Variants in CEP104 observed in about 807,000 individuals in gnomAD.
CEP104 encodes centrosomal protein 104.
Under a neutral mutation model 113.3 loss-of-function variants are expected in CEP104, and 84 were observed. That is an observed-to-expected ratio of 0.74 (90% CI 0.62 to 0.89). The LOEUF is 0.89. Among genes scored for constraint, CEP104 ranks in the 40% least tolerant of loss-of-function variants. CEP104 has a pLI of 0.00. For missense variants in CEP104, 1,053 were observed against 1,156.6 expected (o/e 0.91, Z 1.30); for synonymous variants, 378 against 421.7 (o/e 0.90, Z 1.27).
intron 20 of CEP104, among the ~76,000 whole-genome samples, chr1:3,820,999 C>T (rs141844581): frequency 1.3e-5 from 2 of 152,374 alleles, no homozygotes; most frequent in East Asian, 3.9e-4. Context: ...AGTGTGTGTG[C>T]ATGAGTGATG....
intron 20 of CEP104, chr1:3,822,899 C>T (rs1644006338): frequency 5.0e-6 from 2 of 400,836 alleles, no homozygotes; most frequent in Non-Finnish European, 9.0e-6. Flanking sequence ...CAAAATAAAA[C>T]CATTTCATGC....
At chr1:3,837,623 G>A (rs1385200340) in intron 8 of CEP104, 104 bp from the exon 9 acceptor site, 1 of 982,222 alleles carries the variant, frequency 1.0e-6, no homozygotes, top group Non-Finnish European at 1.5e-6. Context: ...TGTGCTGGAA[G>A]AGGCTCCTTG....
chr1:3,842,502 C>T (rs982902029), intron 6 of CEP104, among the ~76,000 whole-genome samples: 1 of 152,216 alleles, frequency 6.6e-6, no homozygotes, highest in African/African-American at 2.4e-5. Context: ...GTAGCCTCTG[C>T]AGGAGGGAAG....
chr1:3,845,521 T>G (rs1394344524), intron 4 of CEP104, among the ~76,000 whole-genome samples, 170 bp from the exon 5 acceptor site: 1 of 152,118 alleles, frequency 6.6e-6, no homozygotes, highest in East Asian at 1.9e-4. Flanking sequence ...ATCCTTCACC[T>G]TAGCTGCCCT....
intron 6 of CEP104, among the ~76,000 whole-genome samples, chr1:3,841,276 C>G (rs957447494): frequency 3.3e-5 from 5 of 152,122 alleles, no homozygotes; most frequent in Non-Finnish European, 7.3e-5. Flanking sequence ...CCCCTTTAAG[C>G]ACTCACAGCC....
In CEP104 at chr1:3,819,257, A is replaced by G. The variant is rs563545987; in HGVS notation, c.2572-2887T>C. Among the ~76,000 whole-genome samples, 9 of 152,216 alleles carry G rather than the reference A, an allele frequency of 5.9e-5. No individual in the cohort carries two copies. The highest frequency in any genetic ancestry group is 1.2e-4 in the Non-Finnish European group (8 of 68,026). ...CTGATTCCATTTACAGGAAATGTCC[A>G]CAGTAGGCAAATCCATGGAGACCAA... On this transcript the variant is annotated intron_variant, in intron 20 of 21. Transcript: ENST00000378230. The surrounding 1 kb of genome is among the most constrained non-coding windows in gnomAD (Gnocchi z 4.6).
At chr1:3,834,401 G>A (rs1322594659) in intron 11 of CEP104, among the ~76,000 whole-genome samples, 1 of 149,456 alleles carries the variant, frequency 6.7e-6, no homozygotes, top group African/African-American at 2.5e-5. Flanking sequence ...TGCTTCAATG[G>A]GTAAGCCCAA....
chr1:3,837,519 T>A lies in CEP104; in HGVS notation c.892A>T (p.Met298Leu). Reference protein sequence around the residue: ...ELHSLLDAELMRRPFDLPLQP... With the variant: ...ELHSLLDAELLRRPFDLPLQP... The stretch of plus-strand genomic sequence containing the variant: ...AGGGGCAAATCAAAAGGTCTTCGCA[T>A]CTAGAGAACAAAAAGGAACATTTAA... Residue 298 changes from methionine (M) to leucine (L), a missense_variant and splice_region_variant, in exon 9 of 22, where the codon ATG (methionine) becomes TTG (leucine). Met to Leu is a conservative substitution (Grantham distance 15). Coordinates refer to ENST00000378230, the MANE Select transcript of CEP104 (RefSeq NM_014704.4). The A allele has an allele frequency of 6.2e-7, 1 of 1,613,820 alleles. No individual in the cohort carries two copies. The highest frequency in any genetic ancestry group is 8.5e-7 in the Non-Finnish European group (1 of 1,179,746).
At chr1:3,837,173 G>A (rs750497037) in intron 9 of CEP104, 119 bp downstream of exon 9, 9 of 754,692 alleles carry the variant, frequency 1.2e-5, no homozygotes, top group Non-Finnish European at 2.0e-5. Context: ...ATGGAACAGA[G>A]GTGGGTCTGG....
At chr1:3,853,075 T>C (rs1202039548) in intron 1 of CEP104, among the ~76,000 whole-genome samples, 1 of 152,204 alleles carries the variant, frequency 6.6e-6, no homozygotes, top group East Asian at 1.9e-4. Context: ...GATATTTTGC[T>C]ATGTCTAGAA....
intron 15 of CEP104, among the ~76,000 whole-genome samples, chr1:3,827,637 C>A (rs1644117842): frequency 6.6e-6 from 1 of 152,226 alleles, no homozygotes; most frequent in African/African-American, 2.4e-5. Context: ...CCACAGTGTG[C>A]ACTGAAAATG....
At chr1:3,829,437 AAAT>A (rs1352474380) in intron 14 of CEP104, 64 bp from the exon 15 acceptor site, 2 of 1,071,656 alleles carry the variant, frequency 1.9e-6, no homozygotes, top group African/African-American at 3.2e-5. Context: ...ACTGGGAGAC[AAAT>A]TATGGCATAT....
At position 3,839,968 on chromosome 1, in the gene CEP104, T is replaced by C. The variant is rs10797346; in HGVS notation, c.567-192A>G. The stretch of plus-strand genomic sequence containing the variant: ...CAAAGCTCTTAATTGCAAGCAGGCC[T>C]TTCTGACTCCAAAGCTCACGCTCTT... On this transcript the variant is annotated intron_variant, in intron 6 of 21. Coordinates refer to ENST00000378230, the MANE Select transcript of CEP104 (RefSeq NM_014704.4). Among the ~76,000 whole-genome samples, 59,419 of 152,044 alleles carry C rather than the reference T, an allele frequency of 0.39. 12,286 individuals carry two copies. Among genetic ancestry groups the C allele is most frequent in the Admixed American group, 0.5 (7,664 of 15,274 alleles).
Position 3,836,680 on chromosome 1 carries a change from G to T in CEP104, c.1132C>A (p.Pro378Thr), listed in dbSNP as rs1337306340. ...PHPKINAESLPYDERPLPAIR... is the reference protein window; with the variant it reads ...PHPKINAESLTYDERPLPAIR... Reference sequence around the variant, plus strand: ...GCTGGAAGAGGCCGCTCATCGTAGGGCAGGGACTCTGCCTGCAGTGAGTGA... The same window carrying T: ...GCTGGAAGAGGCCGCTCATCGTAGGTCAGGGACTCTGCCTGCAGTGAGTGA... Residue 378 changes from proline to threonine, a missense_variant, in exon 10 of 22, where the codon CCC (proline) becomes ACC (threonine). By Grantham distance (38) the Pro-to-Thr change is conservative (BLOSUM62 -1). Coordinates refer to ENST00000378230, the MANE Select transcript of CEP104 (RefSeq NM_014704.4). The T allele has an allele frequency of 6.2e-7, 1 of 1,613,522 alleles. No homozygotes were observed. Among genetic ancestry groups the T allele is most frequent in the Non-Finnish European group, 8.5e-7 (1 of 1,179,994 alleles).
chr1:3,847,783 A>G (rs1644535100), intron 3 of CEP104, 170 bp from the exon 4 acceptor site: 1 of 631,760 alleles, frequency 1.6e-6, no homozygotes, highest in Non-Finnish European at 2.7e-6. Context: ...TCTAGAATGA[A>G]AAACCTAGGA....
chr1:3,836,997 A>C (rs565085624), intron 9 of CEP104: 1 of 520,412 alleles, frequency 1.9e-6, no homozygotes. Context: ...GGAGACTACT[A>C]AAGTAAAGGC....
chr1:3,823,171 C>A lies in CEP104; in HGVS notation c.2571+3G>T. 6.2e-7 allele frequency: 1 copy of A among 1,614,074 alleles called. No individual in the cohort carries two copies. The highest frequency in any genetic ancestry group is 8.5e-7 in the Non-Finnish European group (1 of 1,179,990). ...ACTGGTCCCTTCTCCCCAGGCCCCT[C>A]ACCTCTTCTCCAGGGCTGAAGTTCT... On this transcript the variant is annotated splice_donor_region_variant and intron_variant, in intron 20 of 21. Transcript: ENST00000378230. This position sits in a 1 kb window ranked among gnomAD's most constrained non-coding sequence, Gnocchi z 4.1.
At chr1:3,846,137 A>G (rs898018682) in intron 4 of CEP104, among the ~76,000 whole-genome samples, 3 of 151,670 alleles carry the variant, frequency 2.0e-5, no homozygotes, top group African/African-American at 7.3e-5. Context: ...AAAAACTCCC[A>G]AAGTTTTAAC....
At chr1:3,832,161 T>C (rs899497244) in intron 12 of CEP104, among the ~76,000 whole-genome samples, 8 of 152,270 alleles carry the variant, frequency 5.3e-5, no homozygotes, top group Non-Finnish European at 1.0e-4. Context: ...ATTTGCAACA[T>C]ATCTTTTGAA....
Sources: allele counts gnomAD v4.1 joint callset (sites outside exome capture counted in the v4.1 genomes callset), GRCh38; gene constraint gnomAD v4.1.1; non-coding constraint Gnocchi (gnomAD v3.1); transcripts MANE v1.5; gene names NCBI Gene and HGNC (gene_info 2026-07-23, HGNC 2026-07-21).